Variants in VAV1 observed in about 807,000 individuals in gnomAD.
The protein encoded by VAV1 is vav guanine nucleotide exchange factor 1.
VAV1 carries 33 observed loss-of-function variants against 128.1 expected under a neutral mutation model. The ratio of observed to expected loss-of-function variants is 0.26; its 90% CI spans 0.20 to 0.34. VAV1 has a LOEUF of 0.34. Ranked by LOEUF, VAV1 falls within the 10% of genes least tolerant of loss-of-function variation. The pLI is 1.00. For synonymous variants in VAV1, 394 were observed against 409.8 expected, an observed-to-expected ratio of 0.96 and a Z score of 0.47; for missense variants, 715 against 1,093.7, an observed-to-expected ratio of 0.65 and a Z score of 4.88.
At chr19:6,794,992 A>G (rs985286708) in intron 1 of VAV1, among the ~76,000 whole-genome samples, 9 of 152,166 alleles carry the variant, frequency 5.9e-5, no homozygotes, top group African/African-American at 1.4e-4. Context: ...TACGTGTGGT[A>G]TCTCCAAGTG....
chr19:6,821,993 G>A (rs1971800961), intron 4 of VAV1, 134 bp downstream of exon 4: 3 of 1,274,646 alleles, frequency 2.4e-6, no homozygotes, highest in Non-Finnish European at 3.4e-6. Context: ...CCTTGCCTGA[G>A]AGTCTGGGGA....
rs1179379069 is a variant in VAV1, at chr19:6,856,999, G to A, written c.2485-55G>A. ...GAGGGAGCCTGCCTGGTGTGTGGAGGGGCAGTAGGAGGATGTGCAGAGGTT... is the reference window on the plus strand; with the variant it reads ...GAGGGAGCCTGCCTGGTGTGTGGAGAGGCAGTAGGAGGATGTGCAGAGGTT... On this transcript the variant is annotated intron_variant, in intron 26 of 26. Coordinates refer to ENST00000602142, the MANE Select transcript of VAV1 (RefSeq NM_005428.4). 5.2e-6 allele frequency: 8 copies of A among 1,542,820 alleles called. No homozygotes were observed. In the African/African-American group the frequency reaches 8.2e-5, roughly 16 times the overall value.
In VAV1 at chr19:6,805,471, G is replaced by C. The variant is rs1296236830; in HGVS notation, c.205-15231G>C. On this transcript the variant is annotated intron_variant, in intron 1 of 26. Coordinates refer to ENST00000602142, the MANE Select transcript of VAV1 (RefSeq NM_005428.4). ...AAACAAAGAAAATAGACCAGTTGTGGTGGCTCACATCTGTAATCCCAGGAC... is the reference window on the plus strand; with the variant it reads ...AAACAAAGAAAATAGACCAGTTGTGCTGGCTCACATCTGTAATCCCAGGAC... Among the ~76,000 whole-genome samples the C allele has an allele frequency of 2.6e-5, 4 of 151,604 alleles. 1 individual carries two copies. Among genetic ancestry groups the C allele is most frequent in the Admixed American group, 6.6e-5 (1 of 15,136 alleles).
chr19:6,825,457 A>G (rs574686175), intron 8 of VAV1, 51 bp downstream of exon 8: 1 of 1,519,644 alleles, frequency 6.6e-7, no homozygotes, highest in South Asian at 1.2e-5. Flanking sequence ...TGTCTTGCCT[A>G]GGCTGGGCAT....
At chr19:6,850,607 T>G (rs1972646499) in intron 23 of VAV1, 63 bp from the exon 24 acceptor site, 2 of 1,543,692 alleles carry the variant, frequency 1.3e-6, no homozygotes, top group South Asian at 2.2e-5. Context: ...CCTCCATAAC[T>G]GGGGCTTGGT....
chr19:6,827,054 C>T, intron 9 of VAV1: 1 of 291,558 alleles, frequency 3.4e-6, no homozygotes, highest in Middle Eastern at 1.1e-3. Context: ...CCAATTCCAA[C>T]CAACCCCTGA....
chr19:6,787,202 G>T (rs958039551), intron 1 of VAV1, among the ~76,000 whole-genome samples: 4 of 151,926 alleles, frequency 2.6e-5, no homozygotes, highest in African/African-American at 4.8e-5. Context: ...TTGAGACAGG[G>T]TCTCACTCTG....
chr19:6,814,667 C>CTTTCTTTCTTTCTTT (rs1568299138), intron 1 of VAV1, among the ~76,000 whole-genome samples: 200 of 24,874 alleles, frequency 8.0e-3, no homozygotes, highest in South Asian at 0.012. Flanking sequence ...TTCCTTCCTT[C>CTTTCTTTCTTTCTTT]CTTCCTTTCT....
Sources: allele counts gnomAD v4.1 joint callset (sites outside exome capture counted in the v4.1 genomes callset), GRCh38; gene constraint gnomAD v4.1.1; transcripts MANE v1.5; gene names NCBI Gene and HGNC (gene_info 2026-07-23, HGNC 2026-07-21).